The following FAM110C variants were observed in gnomAD, a reference collection of about 807,000 sequenced individuals.
FAM110C encodes the protein protein FAM110C.
Under a neutral mutation model 15.7 loss-of-function variants are expected in FAM110C, and 19 were observed. That is an observed-to-expected ratio of 1.21 (90% confidence interval 0.85 to 1.78). The LOEUF (loss-of-function observed/expected upper bound fraction) is 1.78, where lower values mean the gene tolerates loss of function less well. Ranked by LOEUF, FAM110C falls within the 40% of genes most tolerant of loss-of-function variation. FAM110C has a pLI of 0.00. For missense variants in FAM110C, 547 were observed against 495.7 expected, an observed-to-expected ratio of 1.10 and a Z score of -0.98; for synonymous variants, 275 against 233.9, an observed-to-expected ratio of 1.18 and a Z score of -1.61.
At chr2:43,290 G>T in intron 1 of FAM110C, 1 of 985,282 alleles carries the variant, frequency 1.0e-6, no homozygotes, top group Non-Finnish European at 1.2e-6. Flanking sequence ...CTGTGGGACT[G>T]TACCCCTGCT....
Position 45,708 on chromosome 2 carries a change from G to C in FAM110C, c.678C>G (p.Pro226=), listed in dbSNP as rs374506666. ...CCCTCCCCAGGGCCTCCACCACCTC[G>C]GGGTCCAGGCCGCAGTACTGGAAGA... ...DTFFQYCGLD[P]EVVEALGREN... The change falls in exon 1 of 2, where the codon CCC becomes CCG. Residue 226 remains proline (P), a synonymous_variant. Transcript: ENST00000327669. 44 of 1,603,050 alleles carry C rather than the reference G, an allele frequency of 2.7e-5. No individual in the cohort carries two copies. In the African/African-American group the frequency reaches 4.4e-4, roughly 16 times the overall value.
chr2:41,115 T>G lies in FAM110C; in HGVS notation c.*493A>C, dbSNP rs938707880. Reference sequence around the variant, plus strand: ...GGTCAGCATGTGTGAGTGTGTGTGTTTACTCTTATTTGACCACATAATTGA... The same window carrying G: ...GGTCAGCATGTGTGAGTGTGTGTGTGTACTCTTATTTGACCACATAATTGA... On this transcript the variant is annotated 3_prime_UTR_variant, in exon 2 of 2. Coordinates refer to ENST00000327669, the MANE Select transcript of FAM110C (RefSeq NM_001077710.3). 6.5e-6 allele frequency: 1 copy of G among 152,938 alleles called. No homozygotes were observed. 9.5% of individuals were successfully genotyped at this position (152,938 alleles called of 1,614,324 possible). A position where few individuals can be genotyped will look rare whatever the true frequency, so the allele number is the denominator to read the frequency against.
Position 38,870 on chromosome 2 carries a change from C to A in FAM110C, c.*2738G>T, listed in dbSNP as rs1288608359. Reference sequence around the variant, plus strand: ...AACACAGAATATACAATATTGCACTCCAGTTGCAAATAGTGTATAGAAAAA... The same window carrying A: ...AACACAGAATATACAATATTGCACTACAGTTGCAAATAGTGTATAGAAAAA... On this transcript the variant is annotated 3_prime_UTR_variant, in exon 2 of 2. Coordinates refer to ENST00000327669, the MANE Select transcript of FAM110C (RefSeq NM_001077710.3). 1 of 152,176 alleles carries A rather than the reference C, an allele frequency of 6.6e-6. No individual in the cohort carries two copies. Among genetic ancestry groups the A allele is most frequent in the Non-Finnish European group, 1.5e-5 (1 of 68,036 alleles). The allele number at this position is 152,176 out of a possible 1,614,324, so 9.4% of individuals were successfully genotyped here.
Position 46,203 on chromosome 2 carries a change from CT to C in FAM110C, c.182del (p.Glu61GlyfsTer35). 10 of 1,376,966 alleles carry C rather than the reference CT, an allele frequency of 7.3e-6. No homozygotes were observed. The highest frequency in any genetic ancestry group is 8.4e-6 in the Non-Finnish European group (9 of 1,072,084). 85.3% of individuals were successfully genotyped at this position (1,376,966 alleles called of 1,614,324 possible). ...ACTTGATCGCCCCCGGGCCGCTGCC[CT>C]CGGAAGCGACGCCCCGGCCAGTCCC... ...RPGTGRGVAS[E>X]GSGPGAIKCP... is the part of the protein sequence containing the mutation. On this transcript the variant is annotated frameshift_variant, in exon 1 of 2. Coordinates refer to ENST00000327669, the MANE Select transcript of FAM110C (RefSeq NM_001077710.3). LOFTEE classifies it high-confidence loss of function.
At chr2:44,593 C>T in intron 1 of FAM110C, 1 of 985,434 alleles carries the variant, frequency 1.0e-6, no homozygotes, top group Non-Finnish European at 1.2e-6. Context: ...AAGGTTCTTT[C>T]TCTTCACTAC....
chr2:45,511 C>A lies in FAM110C; in HGVS notation c.875G>T (p.Arg292Leu), dbSNP rs755487343. 1 of 1,614,128 alleles carries A rather than the reference C, an allele frequency of 6.2e-7. No homozygotes were observed. Among genetic ancestry groups the A allele is most frequent in the South Asian group, 1.1e-5 (1 of 91,086 alleles). The part of the protein sequence containing the change: ...STTSVIERNA[R>L]IIKWLYTCKK... The stretch of plus-strand genomic sequence containing the variant: ...ACAGGTGTACAGCCACTTGATGATG[C>A]GGGCGTTCCTCTCGATGACCGAAGT... The change falls in exon 1 of 2, where the codon CGC becomes CTC. Residue 292 changes from arginine to leucine, a missense_variant. Arg to Leu is a moderately radical substitution (Grantham distance 102, BLOSUM62 -2). Coordinates refer to ENST00000327669, the MANE Select transcript of FAM110C (RefSeq NM_001077710.3).
chr2:45,136 T>A, intron 1 of FAM110C: 1 of 985,430 alleles, frequency 1.0e-6, no homozygotes. Context: ...TTTCTCCTGT[T>A]TTCACAATAA....
At chr2:43,318 A>G (rs758015992) in intron 1 of FAM110C, 1 of 985,202 alleles carries the variant, frequency 1.0e-6, no homozygotes, top group East Asian at 1.1e-4. Flanking sequence ...ATAATGTGAA[A>G]CTTCTCAGAA....
rs2103267659 is a variant in FAM110C at position 39,305 on chromosome 2, G to A, written c.*2303C>T. ...GACAGGGTCTTGCTCTGTCACTCAGGCTGGAGTGCAGTGGTGCAATCATGG... is the reference window on the plus strand; with the variant it reads ...GACAGGGTCTTGCTCTGTCACTCAGACTGGAGTGCAGTGGTGCAATCATGG... On this transcript the variant is annotated 3_prime_UTR_variant, in exon 2 of 2. Coordinates refer to ENST00000327669, the MANE Select transcript of FAM110C (RefSeq NM_001077710.3). 1 of 152,162 alleles carries A rather than the reference G, an allele frequency of 6.6e-6. No homozygotes were observed. The highest frequency in any genetic ancestry group is 1.5e-5 in the Non-Finnish European group (1 of 68,012). 9.4% of individuals were successfully genotyped at this position (152,162 alleles called of 1,614,324 possible).
In FAM110C at chr2:41,569, G is replaced by A. The variant is rs1387633455; in HGVS notation, c.*39C>T. 3.7e-6 allele frequency: 6 copies of A among 1,612,940 alleles called. No individual in the cohort carries two copies. The highest frequency in any genetic ancestry group is 1.7e-5 in the Admixed American group (1 of 59,824). On this transcript the variant is annotated 3_prime_UTR_variant, in exon 2 of 2. Transcript: ENST00000327669. Reference sequence around the variant, plus strand: ...AGGCACACTAGCCAAATGGTCCTGGGATCCCAAATCACCCATGAAATCCTT... The same window carrying A: ...AGGCACACTAGCCAAATGGTCCTGGAATCCCAAATCACCCATGAAATCCTT...
chr2:42,055 G>A, intron 1 of FAM110C: 2 of 985,334 alleles, frequency 2.0e-6, no homozygotes, highest in Non-Finnish European at 2.4e-6. Flanking sequence ...TCTCTTAAAG[G>A]CCCAGGCGCG....
rs1366250757 is a variant in FAM110C, at chr2:40,276, T to C, written c.*1332A>G. 6.6e-6 allele frequency: 1 copy of C among 152,092 alleles called. No individual in the cohort carries two copies. Among genetic ancestry groups the C allele is most frequent in the African/African-American group, 2.4e-5 (1 of 41,408 alleles). The allele number at this position is 152,092 out of a possible 1,614,324, so 9.4% of individuals were successfully genotyped here. A position where few individuals can be genotyped will look rare whatever the true frequency, so the allele number is the denominator to read the frequency against. On this transcript the variant is annotated 3_prime_UTR_variant, in exon 2 of 2. Transcript: ENST00000327669. ...CCAATGACCTACTCTCACGGTAAAA[T>C]AGTTACGAAAAAAGAATACAATATT...
chr2:45,657 AC>A lies in FAM110C; in HGVS notation c.728del (p.Cys243LeufsTer2). 1 of 1,611,230 alleles carries A rather than the reference AC, an allele frequency of 6.2e-7. No individual in the cohort carries two copies. The highest frequency in any genetic ancestry group is 8.5e-7 in the Non-Finnish European group (1 of 1,179,032). ...GRENFTAGSD[C>X]VTLKVRSVSV... ...TCACGCTGCGCACCTTGAGGGTCAC[AC>A]AGTCCGACCCCGCGGTGAAGTTCTC... is the stretch of plus-strand genomic sequence containing the variant. On this transcript the variant is annotated frameshift_variant, in exon 1 of 2. Transcript: ENST00000327669. LOFTEE classifies it high-confidence loss of function.
chr2:42,968 C>T (rs1664166171), intron 1 of FAM110C: 8 of 985,330 alleles, frequency 8.1e-6, no homozygotes, highest in Non-Finnish European at 8.4e-6. Context: ...GTCAGAGGAC[C>T]GCCCCACTGA....
chr2:45,308 T>A lies in FAM110C; in HGVS notation c.946+132A>T, dbSNP rs565324489. 7.7e-6 allele frequency: 11 copies of A among 1,436,700 alleles called. No homozygotes were observed. In the South Asian group the frequency reaches 1.2e-4, roughly 16 times the overall value. The allele number at this position is 1,436,700 out of a possible 1,614,324, so 89.0% of individuals were successfully genotyped here. A position where few individuals can be genotyped will look rare whatever the true frequency, so the allele number is the denominator to read the frequency against. On this transcript the variant is annotated intron_variant, in intron 1 of 1. Coordinates refer to ENST00000327669, the MANE Select transcript of FAM110C (RefSeq NM_001077710.3). The stretch of plus-strand genomic sequence containing the variant: ...CCTCTGCGTCAGTCTCTTGGGTCCC[T>A]TTCACACTGTAGCTCAAAATCGCAC...
At chr2:42,220 T>C (rs1664145717) in intron 1 of FAM110C, 1 of 984,648 alleles carries the variant, frequency 1.0e-6, no homozygotes, top group South Asian at 4.7e-5. Flanking sequence ...TTTGCAAATA[T>C]GAGACACAAC....
chr2:41,870 T>C, intron 1 of FAM110C: 1 of 985,464 alleles, frequency 1.0e-6, no homozygotes, highest in Non-Finnish European at 1.2e-6. Flanking sequence ...TTTTCTGCGC[T>C]TTAAAAATTT....
chr2:46,471 C>G lies in FAM110C; in HGVS notation c.-86G>C. The G allele has an allele frequency of 1.9e-6, 2 of 1,079,138 alleles. No homozygotes were observed. The highest frequency in any genetic ancestry group is 2.4e-6 in the Non-Finnish European group (2 of 845,220). The allele number at this position is 1,079,138 out of a possible 1,614,324, so 66.8% of individuals were successfully genotyped here. ...AGCCAGTCAGTCCCAGGGCCGGTTC[C>G]GAAGTCCGCGCCGGGTGGGGAACGG... On this transcript the variant is annotated 5_prime_UTR_variant, in exon 1 of 2. Transcript: ENST00000327669.
chr2:45,160 A>G (rs1206069761), intron 1 of FAM110C: 1 of 985,262 alleles, frequency 1.0e-6, no homozygotes, highest in Non-Finnish European at 1.2e-6. Flanking sequence ...GCCAAATGGG[A>G]CATATTAATT....
Sources: allele counts gnomAD v4.1 joint callset, GRCh38; gene constraint gnomAD v4.1.1; transcripts MANE v1.5; gene names NCBI Gene and HGNC (gene_info 2026-07-23, HGNC 2026-07-21).